The following TM7SF2 variants were observed in gnomAD, a reference collection of about 807,000 sequenced individuals.
TM7SF2 encodes transmembrane 7 superfamily member 2, also known as delta(14)-sterol reductase TM7SF2.
Under a neutral mutation model 51.0 loss-of-function variants are expected in TM7SF2, and 51 were observed. The observed-to-expected ratio is 1.00, with a 90% CI of 0.80 to 1.26. The LOEUF (loss-of-function observed/expected upper bound fraction) is 1.26, where lower values mean the gene tolerates loss of function less well. TM7SF2 is among the 50% of genes most tolerant of loss of function. The pLI is 0.00. For missense variants in TM7SF2, 541 were observed against 547.4 expected (o/e 0.99, Z 0.12); for synonymous variants, 255 against 241.0 (o/e 1.06, Z -0.54).
Position 65,112,032 on chromosome 11 carries a change from G to A in TM7SF2, c.17G>A (p.Gly6Asp), listed in dbSNP as rs775514606. The A allele has an allele frequency of 8.8e-6, 14 of 1,590,994 alleles. No individual in the cohort carries two copies. Among genetic ancestry groups the A allele is most frequent in the Non-Finnish European group, 1.0e-5 (12 of 1,170,496 alleles). The change falls in exon 1 of 10, where the codon GGC becomes GAC. Residue 6 changes from glycine to aspartate, a missense_variant. Transcript: ENST00000279263. MAPTQ[G>D]PRAPLEFGGP... ...GCGGAGACCATGGCCCCCACTCAGG[G>A]CCCCCGGGCCCCGCTGGAATTCGGA...
In TM7SF2 at chr11:65,112,727, G is replaced by T. The variant is rs1391668433; in HGVS notation, c.249+16G>T. 17 of 1,547,978 alleles carry T rather than the reference G, an allele frequency of 1.1e-5. No homozygotes were observed. The highest frequency in any genetic ancestry group is 1.5e-5 in the Non-Finnish European group (17 of 1,146,276). On this transcript the variant is annotated intron_variant, in intron 2 of 9. Coordinates refer to ENST00000279263, the MANE Select transcript of TM7SF2 (RefSeq NM_003273.6). ...GGCGCGCAAGGTGCGGGCCCCGCTCGCGGACGCTCGGGGGAGGGAAGCGAA... is the reference window on the plus strand; with the variant it reads ...GGCGCGCAAGGTGCGGGCCCCGCTCTCGGACGCTCGGGGGAGGGAAGCGAA...
Position 65,112,550 on chromosome 11 carries a change from A to G in TM7SF2, c.88A>G (p.Met30Val), listed in dbSNP as rs1353982024. ...TCTGCTACTGCTGCTGCCCGCCACC[A>G]TGTTCCACCTGCTCCTGGCGGCCCG... ...AALLLLLPAT[M>V]FHLLLAARSG... Residue 30 changes from methionine to valine, a missense_variant, in exon 2 of 10, where the codon ATG (methionine) becomes GTG (valine). Transcript: ENST00000279263. The G allele has an allele frequency of 2.0e-6, 3 of 1,533,174 alleles. No individual in the cohort carries two copies. The highest frequency in any genetic ancestry group is 2.6e-5 in the East Asian group (1 of 38,320). 95.0% of individuals were successfully genotyped at this position (1,533,174 alleles called of 1,614,324 possible).
Position 65,114,790 on chromosome 11 carries a change from T to C in TM7SF2, c.681T>C (p.Asn227=). 1.9e-6 allele frequency: 3 copies of C among 1,614,260 alleles called. No individual in the cohort carries two copies. The highest frequency in any genetic ancestry group is 2.5e-6 in the Non-Finnish European group (3 of 1,180,050). The change falls in exon 6 of 10, where the codon AAT becomes AAC. Residue 227 remains asparagine (N), a synonymous_variant. Coordinates refer to ENST00000279263, the MANE Select transcript of TM7SF2 (RefSeq NM_003273.6). The stretch of plus-strand genomic sequence containing the variant: ...CCTCACTGGCCATGTGGCTGGTCAA[T>C]GGCTTCCAGTTGCTCTACGTGGGTG... ...GSPSLAMWLV[N]GFQLLYVGDA...
intron 1 of TM7SF2, 154 bp from the exon 2 acceptor site, chr11:65,112,361 C>T (rs1032881478): frequency 4.6e-6 from 4 of 872,836 alleles, no homozygotes; most frequent in African/African-American, 3.6e-5. Flanking sequence ...TGGGAGGCAG[C>T]GGGGTGCCTG....
Position 65,113,203 on chromosome 11 carries a change from T to C in TM7SF2, c.305-17T>C, listed in dbSNP as rs765709695. The stretch of plus-strand genomic sequence containing the variant: ...GGAGGCGCGCAGCCCCAGGGCTCAC[T>C]GTGCGCTGTGGTTCAGGCTTCCAGG... On this transcript the variant is annotated splice_polypyrimidine_tract_variant and intron_variant, in intron 3 of 9. Coordinates refer to ENST00000279263, the MANE Select transcript of TM7SF2 (RefSeq NM_003273.6). 1.3e-6 allele frequency: 2 copies of C among 1,580,142 alleles called. No individual in the cohort carries two copies. Among genetic ancestry groups the C allele is most frequent in the Non-Finnish European group, 8.5e-7 (1 of 1,170,546 alleles).
chr11:65,115,795 G>A (rs1177740817), intron 9 of TM7SF2, 98 bp from the exon 10 acceptor site: 5 of 1,598,634 alleles, frequency 3.1e-6, no homozygotes, highest in African/African-American at 1.3e-5. Context: ...TTTTGCTGCT[G>A]AGCCCCGATG....
Position 65,115,444 on chromosome 11 carries a change from TG to T in TM7SF2, c.974-29del, listed in dbSNP as rs778503770. Reference sequence around the variant, plus strand: ...GGTGAGGTGGGGCAGCTGGGCTTCCTGGGAACTCTCCACCCTGCTGTCTTTC... The same window carrying T: ...GGTGAGGTGGGGCAGCTGGGCTTCCTGGAACTCTCCACCCTGCTGTCTTTC... On this transcript the variant is annotated intron_variant, in intron 8 of 9. Coordinates refer to ENST00000279263, the MANE Select transcript of TM7SF2 (RefSeq NM_003273.6). The T allele has an allele frequency of 2.5e-5, 40 of 1,614,168 alleles. No homozygotes were observed. The Middle Eastern group carries it at 6.6e-4, about 27-fold the overall frequency.
chr11:65,113,660 G>A, intron 5 of TM7SF2, 66 bp downstream of exon 5: 1 of 1,364,668 alleles, frequency 7.3e-7, no homozygotes, highest in African/African-American at 1.4e-5. Flanking sequence ...AGCAGCGCTT[G>A]GGCAGGGCAG....
rs761419824 is a variant in TM7SF2, at chr11:65,115,324, C to T, written c.903C>T (p.Tyr301=). ...SVICLINATG[Y]YIFRGANSQK... is the part of the protein sequence containing the mutation. Reference sequence around the variant, plus strand: ...ACACTCTCTCACCAGCTACTGGTTACTACATCTTCCGTGGGGCGAATTCCC... The same window carrying T: ...ACACTCTCTCACCAGCTACTGGTTATTACATCTTCCGTGGGGCGAATTCCC... Residue 301 remains tyrosine, a synonymous_variant, in exon 8 of 10, where the codon TAC becomes TAT. Coordinates refer to ENST00000279263, the MANE Select transcript of TM7SF2 (RefSeq NM_003273.6). 1 of 1,613,988 alleles carries T rather than the reference C, an allele frequency of 6.2e-7. No homozygotes were observed. Among genetic ancestry groups the T allele is most frequent in the East Asian group, 2.2e-5 (1 of 44,898 alleles).
Position 65,111,879 on chromosome 11 carries a change from T to A in TM7SF2, c.-137T>A. On this transcript the variant is annotated 5_prime_UTR_variant, in exon 1 of 10. Transcript: ENST00000279263. ...GGGACGAGAGCGGTCCTTGTCTGCGTTCCGTGTCCAGGCAGGTGCAGGCGC... is the reference window on the plus strand; with the variant it reads ...GGGACGAGAGCGGTCCTTGTCTGCGATCCGTGTCCAGGCAGGTGCAGGCGC... The A allele has an allele frequency of 5.5e-6, 6 of 1,084,422 alleles. No individual in the cohort carries two copies. The highest frequency in any genetic ancestry group is 8.2e-6 in the Non-Finnish European group (6 of 730,328). 67.2% of individuals were successfully genotyped at this position (1,084,422 alleles called of 1,614,324 possible).
At chr11:65,112,951 C>T in intron 3 of TM7SF2, 86 bp downstream of exon 3, 2 of 1,481,538 alleles carry the variant, frequency 1.3e-6, no homozygotes, top group Non-Finnish European at 9.2e-7. Context: ...GGAGATTGGC[C>T]CCCACCCCAG....
At position 65,113,521 on chromosome 11, in the gene TM7SF2, G is replaced by A. The variant is rs760865565; in HGVS notation, c.530G>A (p.Arg177Gln). Reference protein sequence around the residue: ...GNPIYDFFLGRELNPRICFFD... With the variant: ...GNPIYDFFLGQELNPRICFFD... ...CCGATTTACGACTTTTTTCTGGGAC[G>A]AGAGCTCAACCCTCGTATCTGTTTC... The change falls in exon 5 of 10, where the codon CGA (arginine) becomes CAA (glutamine). Residue 177 changes from arginine to glutamine, a missense_variant. Coordinates refer to ENST00000279263, the MANE Select transcript of TM7SF2 (RefSeq NM_003273.6). 3 of 1,614,162 alleles carry A rather than the reference G, an allele frequency of 1.9e-6. No homozygotes were observed. The highest frequency in any genetic ancestry group is 1.7e-5 in the Admixed American group (1 of 60,024).
chr11:65,115,710 G>T (rs1296279610), intron 9 of TM7SF2, 112 bp downstream of exon 9: 2 of 1,593,930 alleles, frequency 1.3e-6, no homozygotes, highest in African/African-American at 1.3e-5. Flanking sequence ...GAGAGCTGGG[G>T]GTGGACCCAG....
In TM7SF2 at chr11:65,112,030, G is replaced by A; in HGVS notation, c.15G>A (p.Gln5=). Residue 5 remains glutamine, a synonymous_variant, in exon 1 of 10, where the codon CAG becomes CAA. Coordinates refer to ENST00000279263, the MANE Select transcript of TM7SF2 (RefSeq NM_003273.6). MAPT[Q]GPRAPLEFGG... ...GAGCGGAGACCATGGCCCCCACTCAGGGCCCCCGGGCCCCGCTGGAATTCG... is the reference window on the plus strand; with the variant it reads ...GAGCGGAGACCATGGCCCCCACTCAAGGCCCCCGGGCCCCGCTGGAATTCG... The A allele has an allele frequency of 6.3e-7, 1 of 1,590,176 alleles. No individual in the cohort carries two copies. Among genetic ancestry groups the A allele is most frequent in the South Asian group, 1.1e-5 (1 of 87,284 alleles).
chr11:65,115,783 G>A (rs1947973333), intron 9 of TM7SF2, 110 bp from the exon 10 acceptor site: 2 of 1,586,816 alleles, frequency 1.3e-6, no homozygotes, highest in Non-Finnish European at 1.7e-6. Flanking sequence ...AGACCCTGGC[G>A]CTTTTGCTGC....
At chr11:65,114,625 C>G in intron 5 of TM7SF2, 88 bp from the exon 6 acceptor site, 1 of 1,480,098 alleles carries the variant, frequency 6.8e-7, no homozygotes, top group Non-Finnish European at 9.1e-7. Context: ...TGGAGTGTAA[C>G]TGACAGTTGA....
chr11:65,114,104 C>T (rs1590816884), intron 5 of TM7SF2, among the ~76,000 whole-genome samples: 2 of 152,336 alleles, frequency 1.3e-5, no homozygotes, highest in Admixed American at 1.3e-4. Flanking sequence ...AATTATCTTA[C>T]CCGAGGCAGG....
chr11:65,112,463 G>A, intron 1 of TM7SF2, 52 bp from the exon 2 acceptor site: 1 of 1,460,004 alleles, frequency 6.8e-7, no homozygotes, highest in Non-Finnish European at 9.0e-7. Context: ...GCGGGCCGGC[G>A]GGGAGCTGGG....
In TM7SF2 at chr11:65,112,946, T is replaced by C. The variant is rs1288193149; in HGVS notation, c.304+81T>C. ...GGCCTAGCGGGGAGGTCCACGGAGA[T>C]TGGCCCCCACCCCAGGCTCCTTTGT... is the stretch of plus-strand genomic sequence containing the variant. On this transcript the variant is annotated intron_variant, in intron 3 of 9. Coordinates refer to ENST00000279263, the MANE Select transcript of TM7SF2 (RefSeq NM_003273.6). 4.7e-6 allele frequency: 7 copies of C among 1,499,458 alleles called. No individual in the cohort carries two copies. The African/African-American group carries it at 9.7e-5, about 21-fold the overall frequency. 92.9% of individuals were successfully genotyped at this position (1,499,458 alleles called of 1,614,324 possible). A position where few individuals can be genotyped will look rare whatever the true frequency, so the allele number is the denominator to read the frequency against.
Sources: gnomAD v4.1 joint callset for allele counts (sites outside exome capture counted in the v4.1 genomes callset) on GRCh38, gnomAD v4.1.1 for gene constraint, MANE v1.5 for transcripts, NCBI Gene and HGNC (gene_info 2026-07-23, HGNC 2026-07-21) for gene names.